ITGB4: variants seen among roughly 807,000 people sequenced by gnomAD.
ITGB4 encodes the protein integrin beta-4.
ITGB4 carries 159 observed loss-of-function variants against 207.6 expected under a neutral mutation model. The observed-to-expected ratio is 0.77, with a 90% CI of 0.67 to 0.87. The LOEUF is 0.87. ITGB4 is among the 40% of genes least tolerant of loss of function. The pLI is 0.00. For synonymous variants in ITGB4, 1,020 were observed against 1,062.7 expected, an observed-to-expected ratio of 0.96 and a Z score of 0.78; for missense variants, 2,278 against 2,546.8, an observed-to-expected ratio of 0.89 and a Z score of 2.27.
intron 15 of ITGB4, 23 bp downstream of exon 15, chr17:75,736,409 G>A (rs745525472): frequency 6.2e-6 from 10 of 1,612,704 alleles, no homozygotes; most frequent in Non-Finnish European, 8.5e-6. Flanking sequence ...CCTACGAGGT[G>A]TGGGCGTGGG....
In ITGB4 at chr17:75,751,045, C is replaced by G; in HGVS notation, c.3727C>G (p.Pro1243Ala). Residue 1243 changes from proline to alanine, a missense_variant, in exon 30 of 40, where the codon CCG becomes GCG. Physicochemically the swap from Pro to Ala is conservative, Grantham distance 27 (BLOSUM62 -1). Coordinates refer to ENST00000200181, the MANE Select transcript of ITGB4 (RefSeq NM_000213.5). Reference sequence around the variant, plus strand: ...GGTGACCCAGCTGAGCTGGGCTGAGCCGGCTGAGACCAACGGTGAGATCAC... The same window carrying G: ...GGTGACCCAGCTGAGCTGGGCTGAGGCGGCTGAGACCAACGGTGAGATCAC... ...STVTQLSWAE[P>A]AETNGEITAY... 1 of 1,613,868 alleles carries G rather than the reference C, an allele frequency of 6.2e-7. No homozygotes were observed. Among genetic ancestry groups the G allele is most frequent in the South Asian group, 1.1e-5 (1 of 91,088 alleles).
Position 75,751,030 on chromosome 17 carries a change from C to G in ITGB4, c.3712C>G (p.Leu1238Val), listed in dbSNP as rs778718095. The change falls in exon 30 of 40, where the codon CTG becomes GTG. Residue 1238 changes from leucine to valine, a missense_variant. Coordinates refer to ENST00000200181, the MANE Select transcript of ITGB4 (RefSeq NM_000213.5). ...FNVVSSTVTQ[L>V]SWAEPAETNG... Reference sequence around the variant, plus strand: ...TGTCGTCTCCTCCACGGTGACCCAGCTGAGCTGGGCTGAGCCGGCTGAGAC... The same window carrying G: ...TGTCGTCTCCTCCACGGTGACCCAGGTGAGCTGGGCTGAGCCGGCTGAGAC... 5.0e-6 allele frequency: 8 copies of G among 1,613,768 alleles called. No individual in the cohort carries two copies.
rs763226654 is a variant in ITGB4 at position 75,736,267 on chromosome 17, T to A, written c.1762-21T>A. On this transcript the variant is annotated intron_variant, in intron 14 of 39. Transcript: ENST00000200181. ...CAGGGATGGGGCACAGCTGGCTCAC[T>A]GGTGCCCCCTCCTACCCCAGGGCAT... 4 of 1,608,012 alleles carry A rather than the reference T, an allele frequency of 2.5e-6. No homozygotes were observed. In the African/African-American group the frequency reaches 5.3e-5, roughly 21 times the overall value.
chr17:75,730,584 CCCTCCCTCCCTCCCTCCCTTCCTCCCTT>C (rs1599229150), intron 8 of ITGB4, 80 bp downstream of exon 8: 2 of 1,112,740 alleles, frequency 1.8e-6, no homozygotes, highest in South Asian at 1.4e-5. Flanking sequence ...CTCCCTCCCT[CCCTCCCTCCCTCCCTCCCTTCCTCCCTT>C]CCTCCCTCCC....
rs2061393809 is a variant in ITGB4, at chr17:75,752,581, A to G, written c.4108+4A>G. Reference sequence around the variant, plus strand: ...CCCAGCGTCTCCGATGACACTGGTGAGTGGAGACCTGGGACCCACAAGAGG... The same window carrying G: ...CCCAGCGTCTCCGATGACACTGGTGGGTGGAGACCTGGGACCCACAAGAGG... On this transcript the variant is annotated splice_donor_region_variant and intron_variant, in intron 32 of 39. Transcript: ENST00000200181. The G allele has an allele frequency of 8.1e-6, 13 of 1,613,442 alleles. No homozygotes were observed. The highest frequency in any genetic ancestry group is 1.1e-5 in the Non-Finnish European group (13 of 1,179,966).
At chr17:75,753,013 C>G (rs58637300) in intron 32 of ITGB4, among the ~76,000 whole-genome samples, 2,157 of 152,326 alleles carry the variant, frequency 0.014, 50 homozygotes, top group African/African-American at 0.048. Context: ...CAAAGTGCTG[C>G]GGAGCCCTTA....
chr17:75,735,544 C>T (rs967488099), intron 13 of ITGB4, among the ~76,000 whole-genome samples: 27 of 151,282 alleles, frequency 1.8e-4, no homozygotes, highest in African/African-American at 6.1e-4. Context: ...TCCTGAGTAA[C>T]TGGGACTACA....
In ITGB4 at chr17:75,727,959, C is replaced by T. The variant is rs1182287802; in HGVS notation, c.469+104C>T. On this transcript the variant is annotated intron_variant, in intron 5 of 39. Transcript: ENST00000200181. This position sits in a 1 kb window ranked among gnomAD's most constrained non-coding sequence, Gnocchi z 6.0. Reference sequence around the variant, plus strand: ...ACAGCTGCACCCACCCAGAAGGAAACACTGGACATTTGAGCCCCCAAAAAC... The same window carrying T: ...ACAGCTGCACCCACCCAGAAGGAAATACTGGACATTTGAGCCCCCAAAAAC... The T allele has an allele frequency of 9.5e-7, 1 of 1,056,224 alleles. No homozygotes were observed. Among genetic ancestry groups the T allele is most frequent in the Non-Finnish European group, 1.4e-6 (1 of 703,896 alleles). The allele number at this position is 1,056,224 out of a possible 1,614,324, so 65.4% of individuals were successfully genotyped here. A position where few individuals can be genotyped will look rare whatever the true frequency, so the allele number is the denominator to read the frequency against.
intron 26 of ITGB4, among the ~76,000 whole-genome samples, chr17:75,746,530 C>T (rs932698742): frequency 6.6e-6 from 1 of 150,984 alleles, no homozygotes; most frequent in African/African-American, 2.4e-5. Flanking sequence ...CGCGCCCGGC[C>T]ATTTTATATT....
At chr17:75,751,256 A>G in intron 30 of ITGB4, 145 bp downstream of exon 30, 1 of 995,230 alleles carries the variant, frequency 1.0e-6, no homozygotes, top group Non-Finnish European at 1.5e-6. Flanking sequence ...GATAAGCCTG[A>G]GGCATCTTTA....
chr17:75,724,747 C>T lies in ITGB4; in HGVS notation c.44C>T (p.Ala15Val), dbSNP rs765798295. The T allele has an allele frequency of 1.2e-6, 2 of 1,613,780 alleles. No individual in the cohort carries two copies. ...RPSPWARLLL[A>V]ALISVSLSGT... ...AGCCCATGGGCCAGGCTGCTCCTGG[C>T]AGCCTTGATCAGCGTCAGCCTCTCT... The change falls in exon 2 of 40, where the codon GCA becomes GTA. Residue 15 changes from alanine to valine, a missense_variant. By Grantham distance (64) the Ala-to-Val change is moderately conservative. Coordinates refer to ENST00000200181, the MANE Select transcript of ITGB4 (RefSeq NM_000213.5).
intron 26 of ITGB4, among the ~76,000 whole-genome samples, chr17:75,745,980 C>T (rs1372590839): frequency 6.6e-6 from 1 of 152,254 alleles, no homozygotes. Flanking sequence ...TCAGCAGGCC[C>T]GGGCTGCCTG....
At chr17:75,737,903 C>T (rs1447445550) in intron 18 of ITGB4, among the ~76,000 whole-genome samples, 2 of 151,680 alleles carry the variant, frequency 1.3e-5, no homozygotes, top group Non-Finnish European at 2.9e-5. Context: ...GACAGGGTCT[C>T]CACCCTCCAT....
chr17:75,730,938 G>A lies in ITGB4; in HGVS notation c.1066G>A (p.Val356Met), dbSNP rs778104417. 3.7e-6 allele frequency: 6 copies of A among 1,613,792 alleles called. No individual in the cohort carries two copies. Among genetic ancestry groups the A allele is most frequent in the South Asian group, 3.3e-5 (3 of 91,084 alleles). Residue 356 changes from valine to methionine, a missense_variant, in exon 9 of 40, where the codon GTG (valine) becomes ATG (methionine). Transcript: ENST00000200181. Reference protein sequence around the residue: ...GVLQEDSSNIVELLEEAFNRI... With the variant: ...GVLQEDSSNIMELLEEAFNRI... Reference sequence around the variant, plus strand: ...GCTGCAGGAGGACTCGTCCAACATCGTGGAGCTGCTGGAGGAGGCCTTCAA... The same window carrying A: ...GCTGCAGGAGGACTCGTCCAACATCATGGAGCTGCTGGAGGAGGCCTTCAA...
intron 16 of ITGB4, among the ~76,000 whole-genome samples, chr17:75,737,032 C>A (rs147843144): frequency 1.5e-4 from 23 of 152,290 alleles, no homozygotes; most frequent in Non-Finnish European, 2.9e-4. Context: ...GCAGCCTCCC[C>A]TCCTCGAGAT....
chr17:75,753,410 A>G (rs969915408), intron 32 of ITGB4, among the ~76,000 whole-genome samples: 6 of 152,052 alleles, frequency 3.9e-5, no homozygotes, highest in African/African-American at 9.7e-5. Flanking sequence ...TCCTCTCTCC[A>G]TTGTACAAAC....
Position 75,756,745 on chromosome 17 carries a change from C to T in ITGB4, c.4939C>T (p.Leu1647=), listed in dbSNP as rs747613058. ...GAGCACTCCCAGTGCCCCAGGCCCG[C>T]TGGTGTTCACTGCCCTGAGCCCAGA... ...TLSTPSAPGP[L]VFTALSPDSL... The change falls in exon 37 of 40, where the codon CTG becomes TTG. Residue 1647 remains leucine (L), a synonymous_variant. Transcript: ENST00000200181. The T allele has an allele frequency of 4.3e-6, 7 of 1,612,960 alleles. No individual in the cohort carries two copies. In the African/African-American group the frequency reaches 5.3e-5, roughly 12 times the overall value.
chr17:75,750,169 C>T lies in ITGB4; in HGVS notation c.3375C>T (p.Gly1125=), dbSNP rs1599298483. Residue 1125 remains glycine (G), a synonymous_variant, in exon 28 of 40, where the codon GGC becomes GGT. Transcript: ENST00000200181. This position sits in a 1 kb window ranked among gnomAD's most constrained non-coding sequence, Gnocchi z 5.5. ...QMLSSQPPPH[G]DLGAPQNPNA... ...TGTCATCACAGCCACCCCCTCACGG[C>T]GACCTGGGCGCCCCGCAGAACCCCA... The T allele has an allele frequency of 1.9e-6, 3 of 1,613,864 alleles. No individual in the cohort carries two copies. The highest frequency in any genetic ancestry group is 2.2e-5 in the East Asian group (1 of 44,890).
intron 26 of ITGB4, among the ~76,000 whole-genome samples, chr17:75,745,659 G>A (rs1006517719): frequency 6.6e-5 from 10 of 151,966 alleles, no homozygotes; most frequent in East Asian, 1.9e-4. Context: ...CAGGTGGATC[G>A]CCTGAGGTCA....
Sources: allele counts gnomAD v4.1 joint callset (sites outside exome capture counted in the v4.1 genomes callset), GRCh38; gene constraint gnomAD v4.1.1; non-coding constraint Gnocchi (gnomAD v3.1); transcripts MANE v1.5; gene names NCBI Gene and HGNC (gene_info 2026-07-23, HGNC 2026-07-21).